Variants in ASCC3 observed in about 807,000 individuals in gnomAD.
The protein encoded by ASCC3 is ASC-1 complex subunit P200.
A neutral mutation model predicts 256.3 loss-of-function variants in ASCC3; 158 were observed. The ratio of observed to expected loss-of-function variants is 0.62; its 90% CI spans 0.54 to 0.70. The LOEUF (loss-of-function observed/expected upper bound fraction) is 0.70, where lower values mean the gene tolerates loss of function less well. ASCC3 is among the 30% of genes least tolerant of loss of function. The pLI is 0.00. For missense variants in ASCC3, 2,259 were observed against 2,626.0 expected (o/e 0.86, Z 3.05); for synonymous variants, 948 against 883.4 (o/e 1.07, Z -1.30).
intron 39 of ASCC3, among the ~76,000 whole-genome samples, chr6:100,513,448 T>A (rs1773878214): frequency 6.6e-6 from 1 of 152,164 alleles, no homozygotes; most frequent in South Asian, 2.1e-4. Flanking sequence ...AAGGAGAGCA[T>A]TACTTGGGGA....
At chr6:100,670,640 T>TCC (rs774260402) in intron 14 of ASCC3, among the ~76,000 whole-genome samples, 6 of 139,862 alleles carry the variant, frequency 4.3e-5, no homozygotes, top group Admixed American at 1.5e-4. Flanking sequence ...CAACTTTTTT[T>TCC]CCCCCCCAAA....
chr6:100,798,703 C>A lies in ASCC3; in HGVS notation c.1395+10G>T. ...TCAAAACTATCAACTCTATAAAAGGCTCATCTCACCTCATCTAAGTCTTGG... is the reference window on the plus strand; with the variant it reads ...TCAAAACTATCAACTCTATAAAAGGATCATCTCACCTCATCTAAGTCTTGG... On this transcript the variant is annotated intron_variant, in intron 8 of 41. Coordinates refer to ENST00000369162, the MANE Select transcript of ASCC3 (RefSeq NM_006828.4). 1 of 1,611,828 alleles carries A rather than the reference C, an allele frequency of 6.2e-7. No homozygotes were observed. Among genetic ancestry groups the A allele is most frequent in the Non-Finnish European group, 8.5e-7 (1 of 1,179,260 alleles).
chr6:100,749,192 A>T (rs757143464), intron 10 of ASCC3, among the ~76,000 whole-genome samples: 1 of 152,048 alleles, frequency 6.6e-6, no homozygotes, highest in Non-Finnish European at 1.5e-5. Flanking sequence ...GAGTGAACGA[A>T]AAACGTTATT....
intron 36 of ASCC3, among the ~76,000 whole-genome samples, chr6:100,566,727 T>C (rs1770272013): frequency 6.6e-6 from 1 of 152,154 alleles, no homozygotes; most frequent in Non-Finnish European, 1.5e-5. Flanking sequence ...ACCCCATCCC[T>C]GGGATCATTT....
At chr6:100,754,229 T>G (rs9390670) in intron 10 of ASCC3, among the ~76,000 whole-genome samples, 1,549 of 152,188 alleles carry the variant, frequency 0.01, 43 homozygotes, top group East Asian at 0.086. Context: ...GACAAAAAAG[T>G]TTGGTTTAAA....
chr6:100,705,892 G>A (rs764340916), intron 13 of ASCC3, among the ~76,000 whole-genome samples: 6 of 151,796 alleles, frequency 4.0e-5, no homozygotes, highest in South Asian at 2.1e-4. Context: ...ATAATAATGC[G>A]CTATCGTTGA....
rs552021058 is a variant in ASCC3 at position 100,635,418 on chromosome 6, T to C, written c.4122+3183A>G. Among the ~76,000 whole-genome samples the C allele has an allele frequency of 3.3e-5, 5 of 152,120 alleles. No individual in the cohort carries two copies. In the South Asian group the frequency reaches 1.0e-3, roughly 32 times the overall value. ...ATTCATAGAAGGAAAGAGTAGGATA[T>C]TGGTTACCAGCGGTGAGGATGGGGG... On this transcript the variant is annotated intron_variant, in intron 25 of 41. Coordinates refer to ENST00000369162, the MANE Select transcript of ASCC3 (RefSeq NM_006828.4).
At chr6:100,787,500 T>A (rs1412610058) in intron 8 of ASCC3, among the ~76,000 whole-genome samples, 1 of 152,034 alleles carries the variant, frequency 6.6e-6, no homozygotes, top group East Asian at 1.9e-4. Flanking sequence ...CCAGTTAAAA[T>A]CTCAGCAGAA....
intron 14 of ASCC3, among the ~76,000 whole-genome samples, chr6:100,677,633 A>G (rs1777091305): frequency 1.3e-5 from 2 of 152,172 alleles, no homozygotes; most frequent in Non-Finnish European, 2.9e-5. Context: ...TCTCAGAGGA[A>G]TAAAAGCTAA....
At chr6:100,697,861 C>T (rs186874413) in intron 13 of ASCC3, among the ~76,000 whole-genome samples, 3 of 152,176 alleles carry the variant, frequency 2.0e-5, no homozygotes, top group Non-Finnish European at 2.9e-5. Flanking sequence ...TTTCCCTAAT[C>T]ACATTCACTA....
chr6:100,879,966 T>C (rs1668406063), intron 1 of ASCC3, among the ~76,000 whole-genome samples: 1 of 152,224 alleles, frequency 6.6e-6, no homozygotes, highest in Admixed American at 6.5e-5. Flanking sequence ...AGGAGGCTGC[T>C]GGATTATAGA....
intron 36 of ASCC3, among the ~76,000 whole-genome samples, chr6:100,550,192 T>G (rs926247728): frequency 2.6e-5 from 4 of 151,988 alleles, no homozygotes; most frequent in African/African-American, 9.7e-5. Flanking sequence ...TCACATTTTA[T>G]GTTTCTTTCT....
At chr6:100,621,943 A>G (rs1582579477) in intron 30 of ASCC3, among the ~76,000 whole-genome samples, 2 of 152,214 alleles carry the variant, frequency 1.3e-5, no homozygotes, top group Non-Finnish European at 2.9e-5. Context: ...TTGCAGGGGC[A>G]TGGATGGAGC....
chr6:100,695,887 C>T (rs755058275), intron 13 of ASCC3, among the ~76,000 whole-genome samples: 32 of 152,176 alleles, frequency 2.1e-4, no homozygotes, highest in Non-Finnish European at 3.4e-4. Context: ...AGAAGCAACA[C>T]GGTCTGTACC....
chr6:100,686,298 A>G (rs1420482394), intron 13 of ASCC3, among the ~76,000 whole-genome samples: 6 of 152,156 alleles, frequency 3.9e-5, no homozygotes, highest in Non-Finnish European at 5.9e-5. Flanking sequence ...TAATTTTTTG[A>G]TAGGGTAATA....
intron 3 of ASCC3, among the ~76,000 whole-genome samples, chr6:100,854,304 GC>G (rs1425384639): frequency 6.6e-6 from 1 of 151,992 alleles, no homozygotes; most frequent in East Asian, 1.9e-4. Context: ...TTTTAAAATT[GC>G]CTAAGTAATG....
chr6:100,809,027 T>TA (rs1320400998), intron 4 of ASCC3, among the ~76,000 whole-genome samples: 1 of 151,972 alleles, frequency 6.6e-6, no homozygotes. Context: ...AAAGAGCACT[T>TA]ACTATGAACG....
intron 8 of ASCC3, among the ~76,000 whole-genome samples, chr6:100,792,155 T>G (rs776846204): frequency 2.3e-4 from 35 of 152,070 alleles, no homozygotes; most frequent in Middle Eastern, 3.4e-3. Flanking sequence ...AATACAGTAC[T>G]GTACTTATCA....
At chr6:100,531,614 G>A (rs1290423217) in intron 37 of ASCC3, among the ~76,000 whole-genome samples, 2 of 151,790 alleles carry the variant, frequency 1.3e-5, no homozygotes, top group Admixed American at 1.3e-4. Context: ...GATGTGACTA[G>A]AGTATCTGAT....
Sources: gnomAD v4.1 joint callset for allele counts (sites outside exome capture counted in the v4.1 genomes callset) on GRCh38, gnomAD v4.1.1 for gene constraint, MANE v1.5 for transcripts, NCBI Gene and HGNC (gene_info 2026-07-23, HGNC 2026-07-21) for gene names.